DOCK1: variants seen among roughly 807,000 people sequenced by gnomAD.
DOCK1 encodes the protein dedicator of cytokinesis 1.
DOCK1 carries 138 observed loss-of-function variants against 262.7 expected under a neutral mutation model. The ratio of observed to expected loss-of-function variants is 0.53; its 90% confidence interval spans 0.46 to 0.61. The LOEUF is 0.61. DOCK1 is among the 20% of genes least tolerant of loss of function. The pLI is 0.00. For missense variants in DOCK1, 1,908 were observed against 2,370.7 expected, an observed-to-expected ratio of 0.80 and a Z score of 4.05; for synonymous variants, 866 against 867.4, an observed-to-expected ratio of 1.00 and a Z score of 0.03.
chr10:127,176,696 A>G lies in DOCK1; in HGVS notation c.2847+48932A>G, dbSNP rs2133913044. On this transcript the variant is annotated intron_variant, in intron 27 of 51. Transcript: ENST00000623213. The surrounding 1 kb of genome is among the most constrained non-coding windows in gnomAD (Gnocchi z 4.4). ...CAAACCTGTTTTACTACATTCATCA[A>G]GAAACCCAATGATGCTGCCTCTTCT... 6.6e-6 allele frequency among the ~76,000 whole-genome samples: 1 copy of G among 152,300 alleles called. No homozygotes were observed.
intron 27 of DOCK1, among the ~76,000 whole-genome samples, chr10:127,242,539 C>A (rs2059299175): frequency 6.6e-6 from 1 of 152,104 alleles, no homozygotes; most frequent in Admixed American, 6.5e-5. Flanking sequence ...AGTTACATTC[C>A]CTTTTCCTAT....
chr10:126,921,601 C>A (rs61875481), intron 1 of DOCK1, among the ~76,000 whole-genome samples: 10,402 of 152,020 alleles, frequency 0.068, 457 homozygotes, highest in Middle Eastern at 0.11. Context: ...AGTCTGTTTG[C>A]ATTACTATAA....
intron 1 of DOCK1, among the ~76,000 whole-genome samples, chr10:126,911,363 G>A (rs1207532338): frequency 6.6e-6 from 1 of 152,162 alleles, no homozygotes; most frequent in Non-Finnish European, 1.5e-5. Flanking sequence ...TGGTGGGAGC[G>A]CTGTATGAGC....
At chr10:127,156,433 C>A (rs936070105) in intron 27 of DOCK1, among the ~76,000 whole-genome samples, 1 of 152,096 alleles carries the variant, frequency 6.6e-6, no homozygotes, top group East Asian at 1.9e-4. Flanking sequence ...GCTTCAGGCA[C>A]CTGAAATGTA....
intron 27 of DOCK1, among the ~76,000 whole-genome samples, chr10:127,229,307 C>T (rs544456102): frequency 2.0e-5 from 3 of 152,294 alleles, no homozygotes; most frequent in Admixed American, 2.0e-4. Flanking sequence ...TTGCTATTAA[C>T]TGAAGTCACC....
chr10:127,072,945 T>C (rs2046317339), intron 23 of DOCK1, among the ~76,000 whole-genome samples: 1 of 152,194 alleles, frequency 6.6e-6, no homozygotes, highest in East Asian at 1.9e-4. Flanking sequence ...TAGGACCCCT[T>C]CCTAGAGATA....
At chr10:127,296,724 G>T (rs1440016198) in intron 29 of DOCK1, among the ~76,000 whole-genome samples, 1 of 152,198 alleles carries the variant, frequency 6.6e-6, no homozygotes, top group Non-Finnish European at 1.5e-5. Context: ...GATGAGGGAA[G>T]GGGAAGATAG....
chr10:127,110,845 C>T (rs2048822731), intron 25 of DOCK1, among the ~76,000 whole-genome samples: 1 of 152,172 alleles, frequency 6.6e-6, no homozygotes, highest in Non-Finnish European at 1.5e-5. Flanking sequence ...TTATATTTCC[C>T]TATGTTATCT....
chr10:127,432,991 G>C (rs1468026916), intron 47 of DOCK1, among the ~76,000 whole-genome samples: 2 of 152,216 alleles, frequency 1.3e-5, no homozygotes, highest in Admixed American at 1.3e-4. Context: ...ACATTCTCCT[G>C]TGGCTTTGGA....
At chr10:127,133,101 T>G (rs1395144441) in intron 27 of DOCK1, among the ~76,000 whole-genome samples, 2 of 152,182 alleles carry the variant, frequency 1.3e-5, no homozygotes, top group East Asian at 3.9e-4. Flanking sequence ...TGTGTTTCAT[T>G]GTGACAACAG....
chr10:127,271,850 T>C (rs2135187888), intron 29 of DOCK1, among the ~76,000 whole-genome samples: 1 of 152,400 alleles, frequency 6.6e-6, no homozygotes, highest in South Asian at 2.1e-4. Context: ...ACTCTTTTTA[T>C]ATTTGAGTCC....
intron 23 of DOCK1, among the ~76,000 whole-genome samples, chr10:127,096,816 T>A (rs1362900863): frequency 6.6e-6 from 1 of 151,964 alleles, no homozygotes; most frequent in African/African-American, 2.4e-5. Context: ...AGTATAAAAT[T>A]TATTTCTGGG....
chr10:127,057,965 G>A lies in DOCK1; in HGVS notation c.2337-3703G>A, dbSNP rs185429669. ...GGTCTTATTCATCTGTTTATTTATC[G>A]ATAAGTTTCTGAGTTGTTTTTTCTC... On this transcript the variant is annotated intron_variant, in intron 22 of 51. Transcript: ENST00000623213. Among the ~76,000 whole-genome samples the A allele has an allele frequency of 3.2e-3, 487 of 152,238 alleles. 2 individuals are homozygous for A. Among genetic ancestry groups the A allele is most frequent in the Non-Finnish European group, 5.1e-3 (346 of 68,014 alleles).
chr10:127,179,611 T>G (rs754866245), intron 27 of DOCK1, among the ~76,000 whole-genome samples: 3 of 152,142 alleles, frequency 2.0e-5, no homozygotes, highest in Non-Finnish European at 4.4e-5. Context: ...GGACACATCT[T>G]TTCGGGGTGT....
chr10:127,341,658 G>A (rs1214299486), intron 30 of DOCK1, among the ~76,000 whole-genome samples: 1 of 152,112 alleles, frequency 6.6e-6, no homozygotes, highest in Non-Finnish European at 1.5e-5. Flanking sequence ...GCTCTGGTGG[G>A]GGAGCCTGTT....
chr10:127,174,045 T>C (rs1177322373), intron 27 of DOCK1, among the ~76,000 whole-genome samples: 3 of 152,070 alleles, frequency 2.0e-5, no homozygotes, highest in Admixed American at 6.5e-5. Flanking sequence ...AGGCAGGAGG[T>C]GTTTCCTCCC....
At chr10:127,202,161 A>G (rs1799212417) in intron 27 of DOCK1, among the ~76,000 whole-genome samples, 1 of 152,142 alleles carries the variant, frequency 6.6e-6, no homozygotes, top group South Asian at 2.1e-4. Flanking sequence ...TGTCTCTACT[A>G]AAAATAGGAA....
At chr10:126,974,747 C>G (rs769585994) in intron 2 of DOCK1, among the ~76,000 whole-genome samples, 1 of 152,036 alleles carries the variant, frequency 6.6e-6, no homozygotes, top group Non-Finnish European at 1.5e-5. Flanking sequence ...TAGGGCACTT[C>G]CAGTTTCTGA....
Position 127,080,518 on chromosome 10 carries a change from T to C in DOCK1, c.2445+18742T>C, listed in dbSNP as rs145771260. On this transcript the variant is annotated intron_variant, in intron 23 of 51. Coordinates refer to ENST00000623213, the MANE Select transcript of DOCK1 (RefSeq NM_001290223.2). ...TGAGGTTTGCTTCACTGCAGTCACA[T>C]TGTATTGCAAGCAGAAAATGTCACG... Among the ~76,000 whole-genome samples, 186 of 152,192 alleles carry C rather than the reference T, an allele frequency of 1.2e-3. 2 individuals are homozygous for C. The highest frequency in any genetic ancestry group is 8.1e-3 in the South Asian group (39 of 4,826).
Sources: allele counts gnomAD v4.1 joint callset (sites outside exome capture counted in the v4.1 genomes callset), GRCh38; gene constraint gnomAD v4.1.1; non-coding constraint Gnocchi (gnomAD v3.1); transcripts MANE v1.5; gene names NCBI Gene and HGNC (gene_info 2026-07-23, HGNC 2026-07-21).